ZNF536: variants seen among roughly 807,000 people sequenced by gnomAD.
ZNF536 encodes zinc finger protein 536.
A neutral mutation model predicts 84.5 loss-of-function variants in ZNF536; 13 were observed. The ratio of observed to expected loss-of-function variants is 0.15; its 90% CI spans 0.10 to 0.24. ZNF536 has a LOEUF of 0.24. ZNF536 is among the 10% of genes least tolerant of loss of function. The pLI is 1.00. For missense variants in ZNF536, 1,536 were observed against 1,747.5 expected, an observed-to-expected ratio of 0.88 and a Z score of 2.16; for synonymous variants, 811 against 742.5, an observed-to-expected ratio of 1.09 and a Z score of -1.50.
intron 1 of ZNF536, among the ~76,000 whole-genome samples, chr19:30,410,872 C>T (rs2050466768): frequency 6.6e-6 from 1 of 152,214 alleles, no homozygotes; most frequent in Non-Finnish European, 1.5e-5. Flanking sequence ...TATCTCTGCA[C>T]ATGCACAAAT....
chr19:30,634,330 C>G (rs973604437), intron 1 of ZNF536, among the ~76,000 whole-genome samples: 1 of 152,096 alleles, frequency 6.6e-6, no homozygotes, highest in Non-Finnish European at 1.5e-5. Context: ...CAATAGTGGT[C>G]GACGCTCAGC....
chr19:30,611,365 G>A (rs540939987), intron 1 of ZNF536, among the ~76,000 whole-genome samples: 1 of 152,146 alleles, frequency 6.6e-6, no homozygotes, highest in Non-Finnish European at 1.5e-5. Flanking sequence ...TTGCAAACAG[G>A]CATCCCAGAA....
At chr19:30,335,972 G>A (rs908265550) in intron 2 of ZNF536, among the ~76,000 whole-genome samples, 5 of 152,158 alleles carry the variant, frequency 3.3e-5, no homozygotes, top group African/African-American at 9.7e-5. Flanking sequence ...TTCCTCAGAT[G>A]TGAGACCCCA....
rs752138319 is a variant in ZNF536, at chr19:30,445,004, C to T, written c.1442C>T (p.Pro481Leu). ...SPISSMAHGV[P>L]EGDKHSLLGC... ...ATCTCCAGCATGGCCCACGGCGTCC[C>T]GGAGGGGGACAAGCACTCCCTCCTG... is the stretch of plus-strand genomic sequence containing the variant. The change falls in exon 2 of 5, where the codon CCG (proline) becomes CTG (leucine). Residue 481 changes from proline (P) to leucine (L), a missense_variant. By Grantham distance (98) the Pro-to-Leu change is moderately conservative. Transcript: ENST00000355537. This position sits in a 1 kb window ranked among gnomAD's most constrained non-coding sequence, Gnocchi z 4.5. The T allele has an allele frequency of 1.6e-5, 25 of 1,611,258 alleles. No individual in the cohort carries two copies. The highest frequency in any genetic ancestry group is 1.3e-4 in the South Asian group (12 of 90,874).
intron 2 of ZNF536, among the ~76,000 whole-genome samples, chr19:30,464,830 G>A (rs1270166805): frequency 2.0e-5 from 3 of 152,016 alleles, no homozygotes; most frequent in East Asian, 3.9e-4. Flanking sequence ...TCCTCCTCCT[G>A]CCCGAGTTCC....
intron 1 of ZNF536, among the ~76,000 whole-genome samples, chr19:30,615,019 T>C (rs1351511623): frequency 7.9e-6 from 1 of 125,896 alleles, no homozygotes; most frequent in East Asian, 2.6e-4. Context: ...CGATCTCGAC[T>C]CACTGCAAGC....
chr19:30,665,733 G>A (rs1239582403), intron 1 of ZNF536: 1 of 152,308 alleles, frequency 6.6e-6, no homozygotes, highest in Non-Finnish European at 1.5e-5. Flanking sequence ...GAACAAGCCA[G>A]GTTTCCCTTT....
At chr19:30,238,283 T>C (rs2023684452) in intron 1 of ZNF536, among the ~76,000 whole-genome samples, 1 of 152,086 alleles carries the variant, frequency 6.6e-6, no homozygotes, top group Non-Finnish European at 1.5e-5. Flanking sequence ...TACCTGGGAA[T>C]CCAATAACTA....
chr19:30,455,432 G>A (rs1428361824), intron 2 of ZNF536, among the ~76,000 whole-genome samples: 1 of 152,118 alleles, frequency 6.6e-6, no homozygotes, highest in Non-Finnish European at 1.5e-5. Flanking sequence ...GCTGGATCCA[G>A]TGGCTCATGC....
intron 1 of ZNF536, among the ~76,000 whole-genome samples, chr19:30,607,329 T>C (rs1010281175): frequency 6.6e-6 from 1 of 152,192 alleles, no homozygotes; most frequent in African/African-American, 2.4e-5. Context: ...CATTTTGTGA[T>C]GGGGATATTT....
At chr19:30,433,116 C>G (rs1357038117) in intron 1 of ZNF536, among the ~76,000 whole-genome samples, 1 of 152,200 alleles carries the variant, frequency 6.6e-6, no homozygotes, top group Non-Finnish European at 1.5e-5. Context: ...ATTACAAGCT[C>G]CATATACATT....
chr19:30,362,468 G>A (rs929428895), intron 3 of ZNF536, among the ~76,000 whole-genome samples: 2 of 152,198 alleles, frequency 1.3e-5, no homozygotes, highest in African/African-American at 4.8e-5. Flanking sequence ...CACTGTCCAT[G>A]GTGCAGACAT....
intron 1 of ZNF536, among the ~76,000 whole-genome samples, chr19:30,585,702 T>C (rs1300857442): frequency 1.3e-5 from 2 of 152,166 alleles, no homozygotes; most frequent in East Asian, 1.9e-4. Flanking sequence ...TCATCCCTGC[T>C]ATCTTTCTCA....
intron 2 of ZNF536, among the ~76,000 whole-genome samples, chr19:30,499,544 A>G (rs545346874): frequency 2.0e-5 from 3 of 152,326 alleles, no homozygotes; most frequent in Admixed American, 6.5e-5. Context: ...TTATATGTAT[A>G]TGTGTGTGGA....
chr19:30,642,804 T>G (rs539127812), intron 1 of ZNF536, among the ~76,000 whole-genome samples: 62 of 152,226 alleles, frequency 4.1e-4, no homozygotes, highest in Non-Finnish European at 7.9e-4. Context: ...AGTGCCTTCT[T>G]TGAGTGGATC....
chr19:30,630,064 AAG>A (rs1193108890), intron 1 of ZNF536, among the ~76,000 whole-genome samples: 1 of 152,212 alleles, frequency 6.6e-6, no homozygotes, highest in Admixed American at 6.5e-5. Context: ...CTCTCTAGGG[AAG>A]AGAGGGTCAT....
At chr19:30,342,308 G>T (rs2047589135) in intron 2 of ZNF536, among the ~76,000 whole-genome samples, 1 of 152,108 alleles carries the variant, frequency 6.6e-6, no homozygotes, top group African/African-American at 2.4e-5. Flanking sequence ...ACTCCAAGAT[G>T]TTTATTTATT....
chr19:30,454,948 G>T lies in ZNF536; in HGVS notation c.2170+9216G>T, dbSNP rs759971597. ...CTCGGGAGGCTGAGGCAGGAGAATC[G>T]CTTGAATCCGGGAGGAGGAGGTTGC... On this transcript the variant is annotated intron_variant, in intron 2 of 4. Transcript: ENST00000355537. Among the ~76,000 whole-genome samples the T allele has an allele frequency of 3.9e-5, 6 of 152,300 alleles. No individual in the cohort carries two copies. The South Asian group carries it at 6.2e-4, about 16-fold the overall frequency.
chr19:30,330,129 T>G (rs1353535674), intron 2 of ZNF536, among the ~76,000 whole-genome samples: 1 of 152,140 alleles, frequency 6.6e-6, no homozygotes, highest in Non-Finnish European at 1.5e-5. Flanking sequence ...ACTACTAATT[T>G]CTTTGAGTTG....
Sources: gnomAD v4.1 joint callset for allele counts (sites outside exome capture counted in the v4.1 genomes callset) on GRCh38, gnomAD v4.1.1 for gene constraint, Gnocchi (gnomAD v3.1) non-coding constraint, MANE v1.5 for transcripts, NCBI Gene and HGNC (gene_info 2026-07-23, HGNC 2026-07-21) for gene names.